DDC: variants seen among roughly 807,000 people sequenced by gnomAD.
The protein encoded by DDC is aromatic-L-amino-acid decarboxylase.
A neutral mutation model predicts 60.0 loss-of-function variants in DDC; 43 were observed. The ratio of observed to expected loss-of-function variants is 0.72; its 90% confidence interval spans 0.56 to 0.92. The LOEUF is 0.92. DDC is among the 40% of genes least tolerant of loss of function. DDC has a pLI of 0.00. For missense variants in DDC, 573 were observed against 620.2 expected, an observed-to-expected ratio of 0.92 and a Z score of 0.81; for synonymous variants, 232 against 234.6, an observed-to-expected ratio of 0.99 and a Z score of 0.10.
At chr7:50,514,279 G>A (rs2043666914) in intron 6 of DDC, among the ~76,000 whole-genome samples, 1 of 152,192 alleles carries the variant, frequency 6.6e-6, no homozygotes. Context: ...GGAAAAAGGG[G>A]AGAGTACTAC....
chr7:50,493,538 T>G (rs2043055863), intron 9 of DDC, among the ~76,000 whole-genome samples: 1 of 152,142 alleles, frequency 6.6e-6, no homozygotes, highest in Admixed American at 6.5e-5. Context: ...TCAATCAAAA[T>G]TACCCCTCGA....
chr7:50,495,317 A>G, intron 9 of DDC, 33 bp downstream of exon 9: 1 of 1,550,196 alleles, frequency 6.5e-7, no homozygotes, highest in Non-Finnish European at 8.9e-7. Flanking sequence ...CACCTCGGAC[A>G]GGCAACTGAC....
At chr7:50,494,503 CA>C (rs1311689697) in intron 9 of DDC, among the ~76,000 whole-genome samples, 2 of 142,114 alleles carry the variant, frequency 1.4e-5, no homozygotes, top group Admixed American at 7.4e-5. Context: ...GACACTGTCT[CA>C]AAAAAAAGAA....
rs11575303 is a variant in DDC, at chr7:50,539,807, C to G, written c.315+108G>C. On this transcript the variant is annotated intron_variant, in intron 3 of 14. Coordinates refer to ENST00000444124, the MANE Select transcript of DDC (RefSeq NM_001082971.2). ...CCTGCAACAGTAGCCCGTCTGCCCA[C>G]AGACAGCACCGCCATCTGCTCAGGT... 8.7e-6 allele frequency: 7 copies of G among 808,952 alleles called. No individual in the cohort carries two copies. The East Asian group carries it at 1.9e-4, about 22-fold the overall frequency. 50.1% of individuals were successfully genotyped at this position (808,952 alleles called of 1,614,324 possible).
At chr7:50,526,534 G>A (rs1189265909) in intron 6 of DDC, among the ~76,000 whole-genome samples, 1 of 152,152 alleles carries the variant, frequency 6.6e-6, no homozygotes, top group Admixed American at 6.5e-5. Flanking sequence ...ATTAATCCAA[G>A]AAGAGGCAAG....
At chr7:50,496,115 C>G (rs1232036665) in intron 8 of DDC, among the ~76,000 whole-genome samples, 1 of 150,132 alleles carries the variant, frequency 6.7e-6, no homozygotes, top group Non-Finnish European at 1.5e-5. Flanking sequence ...TTTTGAGCGA[C>G]AGGGTCTTAC....
At position 50,472,563 on chromosome 7, in the gene DDC, C is replaced by T. The variant is rs1025005216; in HGVS notation, c.1042-2392G>A. Among the ~76,000 whole-genome samples, 5 of 152,210 alleles carry T rather than the reference C, an allele frequency of 3.3e-5. No homozygotes were observed. The South Asian group carries it at 8.3e-4, about 25-fold the overall frequency. ...GGCTCAGTGGCTTGTGACCTAGGTCCGTGGTCCTGTCTTTCAATAGGTTCA... is the reference window on the plus strand; with the variant it reads ...GGCTCAGTGGCTTGTGACCTAGGTCTGTGGTCCTGTCTTTCAATAGGTTCA... On this transcript the variant is annotated intron_variant, in intron 11 of 14. Coordinates refer to ENST00000444124, the MANE Select transcript of DDC (RefSeq NM_001082971.2).
intron 1 of DDC, among the ~76,000 whole-genome samples, chr7:50,546,110 G>A (rs2044800368): frequency 6.6e-6 from 1 of 152,102 alleles, no homozygotes. Flanking sequence ...AAGTGCTTAG[G>A]AATACTCTAA....
intron 8 of DDC, among the ~76,000 whole-genome samples, chr7:50,498,107 A>G (rs1179963798): frequency 6.6e-6 from 1 of 152,220 alleles, no homozygotes; most frequent in East Asian, 1.9e-4. Context: ...TTAAGCCCTT[A>G]AAACATGATT....
chr7:50,494,546 G>A (rs189566814), intron 9 of DDC, among the ~76,000 whole-genome samples: 72 of 150,540 alleles, frequency 4.8e-4, no homozygotes, highest in East Asian at 2.5e-3. Flanking sequence ...AGCCAAGATC[G>A]CACCACTGCA....
intron 2 of DDC, among the ~76,000 whole-genome samples, chr7:50,540,809 C>T (rs2044605557): frequency 6.6e-6 from 1 of 152,204 alleles, no homozygotes; most frequent in Non-Finnish European, 1.5e-5. Context: ...GTGACAGCTC[C>T]AGGTGGTATA....
chr7:50,479,993 C>T (rs1433464480), intron 9 of DDC, 130 bp from the exon 10 acceptor site: 13 of 725,432 alleles, frequency 1.8e-5, no homozygotes, highest in South Asian at 6.0e-5. Flanking sequence ...TCTGCCTGCA[C>T]GGCCCTGTCT....
chr7:50,504,108 C>A, intron 6 of DDC, 49 bp from the exon 7 acceptor site: 1 of 1,352,136 alleles, frequency 7.4e-7, no homozygotes, highest in Non-Finnish European at 1.1e-6. Context: ...TGCCAGTCAC[C>A]GCTGTAACCT....
At chr7:50,475,065 G>A (rs1033848570) in intron 11 of DDC, among the ~76,000 whole-genome samples, 2 of 150,274 alleles carry the variant, frequency 1.3e-5, no homozygotes, top group African/African-American at 4.9e-5. Context: ...TACTTACTAA[G>A]GCTGTGGAGG....
chr7:50,524,077 A>G (rs1224047534), intron 6 of DDC, among the ~76,000 whole-genome samples: 2 of 152,248 alleles, frequency 1.3e-5, no homozygotes, highest in African/African-American at 4.8e-5. Context: ...TACATATTGT[A>G]TGATTCTATC....
chr7:50,465,903 C>G (rs1246287236), intron 13 of DDC, among the ~76,000 whole-genome samples: 1 of 152,180 alleles, frequency 6.6e-6, no homozygotes, highest in Non-Finnish European at 1.5e-5. Context: ...CGTGTCTTGC[C>G]CTCTCGGTCC....
In DDC at chr7:50,508,969, C is replaced by G. The variant is rs551621295; in HGVS notation, c.715-4910G>C. Among the ~76,000 whole-genome samples the G allele has an allele frequency of 2.4e-4, 37 of 152,292 alleles. No individual in the cohort carries two copies. In the South Asian group the frequency reaches 3.3e-3, roughly 14 times the overall value. On this transcript the variant is annotated intron_variant, in intron 6 of 14. Coordinates refer to ENST00000444124, the MANE Select transcript of DDC (RefSeq NM_001082971.2). ...AAGGCACCATGCCCAGAAGTACCTGCCTGGATATCCCCTGACACAGCTCCT... is the reference window on the plus strand; with the variant it reads ...AAGGCACCATGCCCAGAAGTACCTGGCTGGATATCCCCTGACACAGCTCCT...
rs2042496288 is a variant in DDC at position 50,470,117 on chromosome 7, A to C, written c.1096T>G (p.Phe366Val). ...AGTCCTTTGACTCCATACATCCTAA[A>C]TACAAACCACATTTTCAAAGAGCGA... is the stretch of plus-strand genomic sequence containing the variant. ...RFRSLKMWFVFRMYGVKGLQA... is the reference protein window; with the variant it reads ...RFRSLKMWFVVRMYGVKGLQA... The change falls in exon 12 of 15, where the codon TTT becomes GTT. Residue 366 changes from phenylalanine to valine, a missense_variant. Transcript: ENST00000444124. 1.2e-6 allele frequency: 2 copies of C among 1,613,962 alleles called. No homozygotes were observed. The highest frequency in any genetic ancestry group is 2.2e-5 in the South Asian group (2 of 91,084).
intron 4 of DDC, among the ~76,000 whole-genome samples, chr7:50,530,372 G>C (rs1197823721): frequency 1.3e-5 from 2 of 152,120 alleles, no homozygotes; most frequent in Admixed American, 1.3e-4. Context: ...CAGGAGAGAG[G>C]CCCCAGGAGA....
Sources: gnomAD v4.1 joint callset for allele counts (sites outside exome capture counted in the v4.1 genomes callset) on GRCh38, gnomAD v4.1.1 for gene constraint, MANE v1.5 for transcripts, NCBI Gene and HGNC (gene_info 2026-07-23, HGNC 2026-07-21) for gene names.